The following TNKS variants were observed in gnomAD, a reference collection of about 807,000 sequenced individuals.
The protein encoded by TNKS is poly [ADP-ribose] polymerase tankyrase-1.
Under a neutral mutation model 135.8 loss-of-function variants are expected in TNKS, and 72 were observed. The ratio of observed to expected loss-of-function variants is 0.53; its 90% confidence interval spans 0.44 to 0.64. The LOEUF (loss-of-function observed/expected upper bound fraction) is 0.64. TNKS is among the 30% of genes least tolerant of loss of function. The probability of loss-of-function intolerance (pLI) is 0.00; values close to 1 mark genes in which losing one functional copy is unlikely to be tolerated. For synonymous variants in TNKS, 849 were observed against 649.3 expected (o/e 1.31, Z -4.68); for missense variants, 1,769 against 1,674.0 (o/e 1.06, Z -0.99).
intron 17 of TNKS, among the ~76,000 whole-genome samples, chr8:9,744,633 C>T (rs1440409922): frequency 6.6e-6 from 1 of 152,126 alleles, no homozygotes; most frequent in Non-Finnish European, 1.5e-5. Context: ...CTTTTCTGGA[C>T]CTTCTAGTTC....
intron 3 of TNKS, among the ~76,000 whole-genome samples, chr8:9,675,180 A>G (rs987640996): frequency 1.3e-5 from 2 of 152,194 alleles, no homozygotes; most frequent in Non-Finnish European, 2.9e-5. Context: ...CCACAGCCAC[A>G]TAGCTGGTTT....
intron 25 of TNKS, among the ~76,000 whole-genome samples, chr8:9,768,627 C>T (rs1353249168): frequency 6.6e-6 from 1 of 152,214 alleles, no homozygotes; most frequent in Non-Finnish European, 1.5e-5. Context: ...TCTCCTGCCT[C>T]GGCAGCAACA....
intron 12 of TNKS, among the ~76,000 whole-genome samples, chr8:9,720,832 G>C (rs984855228): frequency 4.6e-5 from 7 of 152,080 alleles, no homozygotes; most frequent in African/African-American, 1.7e-4. Context: ...TGGAATTATG[G>C]TAGCTATAAA....
chr8:9,755,057 C>A lies in TNKS; in HGVS notation c.3153+2431C>A, dbSNP rs529161113. Reference sequence around the variant, plus strand: ...ACATCTTTGCTAAATAAACCAAAGACCTTAACTCAAACAAATAATTCCAAT... The same window carrying A: ...ACATCTTTGCTAAATAAACCAAAGAACTTAACTCAAACAAATAATTCCAAT... On this transcript the variant is annotated intron_variant, in intron 20 of 26. Coordinates refer to ENST00000310430, the MANE Select transcript of TNKS (RefSeq NM_003747.3). Among the ~76,000 whole-genome samples the A allele has an allele frequency of 1.3e-3, 202 of 152,262 alleles. 2 individuals carry two copies. The East Asian group carries it at 0.029, about 22-fold the overall frequency.
intron 20 of TNKS, among the ~76,000 whole-genome samples, chr8:9,755,934 C>T (rs1250160633): frequency 6.6e-6 from 1 of 152,128 alleles, no homozygotes; most frequent in African/African-American, 2.4e-5. Flanking sequence ...GATACTTTGC[C>T]AAGTTCTATG....
At chr8:9,722,797 G>A (rs982472400) in intron 12 of TNKS, among the ~76,000 whole-genome samples, 2 of 152,086 alleles carry the variant, frequency 1.3e-5, no homozygotes, top group African/African-American at 4.8e-5. Context: ...CAAACACATA[G>A]CTTTGCCTCA....
At chr8:9,728,203 C>T (rs993786282) in intron 13 of TNKS, among the ~76,000 whole-genome samples, 22 of 152,160 alleles carry the variant, frequency 1.4e-4, no homozygotes, top group Non-Finnish European at 2.9e-4. Context: ...ATGGAAGTAG[C>T]AAAAGAAAAC....
chr8:9,743,397 T>A (rs1806073367), intron 17 of TNKS: 1 of 152,194 alleles, frequency 6.6e-6, no homozygotes, highest in Non-Finnish European at 1.5e-5. Flanking sequence ...TAGTCTTTCC[T>A]CTTCTGTTTT....
intron 3 of TNKS, among the ~76,000 whole-genome samples, chr8:9,645,320 T>G (rs572226763): frequency 6.6e-6 from 1 of 152,312 alleles, no homozygotes; most frequent in African/African-American, 2.4e-5. Context: ...CATACTGGAA[T>G]GGTGTGAATT....
chr8:9,749,714 C>T lies in TNKS; in HGVS notation c.2832+1502C>T, dbSNP rs1029587408. Among the ~76,000 whole-genome samples, 3 of 152,034 alleles carry T rather than the reference C, an allele frequency of 2.0e-5. 1 individual carries two copies. The South Asian group carries it at 6.2e-4, about 32-fold the overall frequency. On this transcript the variant is annotated intron_variant, in intron 18 of 26. Coordinates refer to ENST00000310430, the MANE Select transcript of TNKS (RefSeq NM_003747.3). ...CAGGTTAGTCTTGAACTTCTGGGCT[C>T]CTCCCTCAGCCTCCTTCCTCAGCCT...
At chr8:9,743,253 C>T (rs1019270468) in intron 17 of TNKS, among the ~76,000 whole-genome samples, 5 of 152,174 alleles carry the variant, frequency 3.3e-5, no homozygotes, top group Admixed American at 3.3e-4. Flanking sequence ...TAAATCATTT[C>T]TTCTTCCTAA....
At position 9,777,372 on chromosome 8, in the gene TNKS, A is replaced by T. The variant is rs1005742513; in HGVS notation, c.*636A>T. 9 of 152,392 alleles carry T rather than the reference A, an allele frequency of 5.9e-5. No individual in the cohort carries two copies. Among genetic ancestry groups the T allele is most frequent in the African/African-American group, 2.2e-4 (9 of 41,434 alleles). 9.4% of individuals were successfully genotyped at this position (152,392 alleles called of 1,614,324 possible). On this transcript the variant is annotated 3_prime_UTR_variant, in exon 27 of 27. Coordinates refer to ENST00000310430, the MANE Select transcript of TNKS (RefSeq NM_003747.3). ...TTGCTCTGTAGCTGCACTTCTCGTTATCATAAATTGAGATGAAAAGGAAAA... is the reference window on the plus strand; with the variant it reads ...TTGCTCTGTAGCTGCACTTCTCGTTTTCATAAATTGAGATGAAAAGGAAAA...
chr8:9,773,479 G>T (rs760095636), intron 26 of TNKS, among the ~76,000 whole-genome samples: 1 of 151,848 alleles, frequency 6.6e-6, no homozygotes, highest in Non-Finnish European at 1.5e-5. Flanking sequence ...GTTATCACTG[G>T]GCATTAATGA....
At chr8:9,575,523 A>G (rs1230524686) in intron 1 of TNKS, 4 of 628,008 alleles carry the variant, frequency 6.4e-6, no homozygotes, top group Non-Finnish European at 7.9e-6. Flanking sequence ...AACTCACACC[A>G]TAGTTACAAG....
At chr8:9,669,385 T>C (rs1802162691) in intron 3 of TNKS, among the ~76,000 whole-genome samples, 1 of 136,098 alleles carries the variant, frequency 7.3e-6, no homozygotes, top group Non-Finnish European at 1.5e-5. Context: ...GCCACTGCAG[T>C]CCGCAGTCCG....
intron 1 of TNKS, among the ~76,000 whole-genome samples, chr8:9,575,589 G>T (rs1183588208): frequency 6.6e-6 from 1 of 152,158 alleles, no homozygotes; most frequent in Non-Finnish European, 1.5e-5. Flanking sequence ...TGTAGGAACA[G>T]TACAGAAATA....
rs962873305 is a variant in TNKS, at chr8:9,580,331, C to G, written c.846C>G (p.Asn282Lys). The G allele has an allele frequency of 6.2e-7, 1 of 1,614,038 alleles. No homozygotes were observed. The highest frequency in any genetic ancestry group is 1.3e-5 in the African/African-American group (1 of 74,920). ...GADPNARDNWNYTPLHEAAIK... is the reference protein window; with the variant it reads ...GADPNARDNWKYTPLHEAAIK... ...ATCCAAATGCCAGGGATAACTGGAA[C>G]TATACACCTCTGCATGAAGCTGCTA... Residue 282 changes from asparagine (N) to lysine (K), a missense_variant, in exon 2 of 27, where the codon AAC becomes AAG. Coordinates refer to ENST00000310430, the MANE Select transcript of TNKS (RefSeq NM_003747.3).
At position 9,580,401 on chromosome 8, in the gene TNKS, A is replaced by G. The variant is rs1259158678; in HGVS notation, c.898+18A>G. On this transcript the variant is annotated intron_variant, in intron 2 of 26. Transcript: ENST00000310430. ...GTGCATTGGTAAGTATCATTTGATGATATCTAAATTTTAAATAAAGGTTTA... is the reference window on the plus strand; with the variant it reads ...GTGCATTGGTAAGTATCATTTGATGGTATCTAAATTTTAAATAAAGGTTTA... 4.4e-6 allele frequency: 7 copies of G among 1,602,020 alleles called. No homozygotes were observed. Among genetic ancestry groups the G allele is most frequent in the Non-Finnish European group, 6.0e-6 (7 of 1,171,078 alleles).
intron 20 of TNKS, among the ~76,000 whole-genome samples, chr8:9,756,123 C>G (rs1244338507): frequency 6.6e-6 from 1 of 152,068 alleles, no homozygotes; most frequent in Non-Finnish European, 1.5e-5. Context: ...TGGAAGACTG[C>G]TTGTGGACAT....
Sources: allele counts gnomAD v4.1 joint callset (sites outside exome capture counted in the v4.1 genomes callset), GRCh38; gene constraint gnomAD v4.1.1; transcripts MANE v1.5; gene names NCBI Gene and HGNC (gene_info 2026-07-23, HGNC 2026-07-21).